Variants in CERT1 observed in about 807,000 individuals in gnomAD.
The protein encoded by CERT1 is ceramide transporter 1.
CERT1 carries 31 observed loss-of-function variants against 87.9 expected under a neutral mutation model. That is an observed-to-expected ratio of 0.35 (90% CI 0.27 to 0.48). The LOEUF (loss-of-function observed/expected upper bound fraction) is 0.48. Among genes scored for constraint, CERT1 ranks in the 20% least tolerant of loss-of-function variants. The probability of loss-of-function intolerance (pLI) is 0.99; values close to 1 mark genes in which losing one functional copy is unlikely to be tolerated. For missense variants in CERT1, 487 were observed against 758.0 expected (o/e 0.64, Z 4.20); for synonymous variants, 289 against 250.9 (o/e 1.15, Z -1.44).
chr5:75,485,922 G>C (rs1276809960), intron 2 of CERT1, among the ~76,000 whole-genome samples: 1 of 151,994 alleles, frequency 6.6e-6, no homozygotes, highest in Admixed American at 6.6e-5. Context: ...GAACGTTACT[G>C]AACACCGAAG....
At chr5:75,434,629 C>CCG (rs1764013337) in intron 3 of CERT1, among the ~76,000 whole-genome samples, 1 of 149,972 alleles carries the variant, frequency 6.7e-6, no homozygotes, top group Non-Finnish European at 1.5e-5. Context: ...ACGGCTTTTT[C>CCG]TGATTGGTAG....
chr5:75,443,473 T>G (rs778126049), intron 3 of CERT1, among the ~76,000 whole-genome samples: 1 of 152,232 alleles, frequency 6.6e-6, no homozygotes. Context: ...TCCATGATTC[T>G]GTAAATTTTC....
chr5:75,511,282 G>C lies in CERT1; in HGVS notation c.-75C>G. ...CCGGAGGAGGCGCCCAGTCCTCGGG[G>C]TGAAGGGTCGGGGGATGGCGAAGCG... On this transcript the variant is annotated 5_prime_UTR_variant, in exon 1 of 17. Coordinates refer to ENST00000643780, the MANE Select transcript of CERT1 (RefSeq NM_001379029.1). The C allele has an allele frequency of 6.3e-7, 1 of 1,578,656 alleles. No homozygotes were observed. The highest frequency in any genetic ancestry group is 8.6e-7 in the Non-Finnish European group (1 of 1,162,318).
downstream of CERT1, chr5:75,375,205 T>C (rs1344725408): frequency 1.3e-5 from 2 of 153,350 alleles, no homozygotes; most frequent in African/African-American, 2.4e-5. Context: ...TTACCAAGAA[T>C]TTAAAAAATG....
chr5:75,421,021 C>G (rs1371315900), intron 5 of CERT1, among the ~76,000 whole-genome samples: 1 of 151,994 alleles, frequency 6.6e-6, no homozygotes, highest in Non-Finnish European at 1.5e-5. Flanking sequence ...GTTGCCCAGG[C>G]CGGTTTCAAA....
intron 10 of CERT1, 40 bp from the exon 11 acceptor site, chr5:75,399,427 C>G: frequency 1.4e-6 from 2 of 1,462,026 alleles, no homozygotes; most frequent in Non-Finnish European, 9.6e-7. Flanking sequence ...GTAATCAGAA[C>G]AAAGGCACAA....
At chr5:75,504,778 G>T (rs866380897) in intron 2 of CERT1, among the ~76,000 whole-genome samples, 1 of 148,178 alleles carries the variant, frequency 6.7e-6, no homozygotes, top group African/African-American at 2.5e-5. Context: ...TTGGCCCATG[G>T]CATGCTGACC....
chr5:75,428,186 T>C (rs989950019), intron 3 of CERT1, among the ~76,000 whole-genome samples: 1 of 152,180 alleles, frequency 6.6e-6, no homozygotes, highest in South Asian at 2.1e-4. Flanking sequence ...AAAAGTTTTA[T>C]GTTTATTTTT....
intron 2 of CERT1, among the ~76,000 whole-genome samples, chr5:75,474,605 C>G (rs1226136563): frequency 6.6e-6 from 1 of 152,004 alleles, no homozygotes; most frequent in East Asian, 1.9e-4. Context: ...GGATGATAGT[C>G]TCATGTAGTC....
chr5:75,456,681 A>C (rs920391527), intron 3 of CERT1, among the ~76,000 whole-genome samples: 1 of 151,472 alleles, frequency 6.6e-6, no homozygotes, highest in African/African-American at 2.4e-5. Context: ...AAAAAAAAAA[A>C]AAAAAGAAAG....
At chr5:75,511,804 G>C (rs1369670653), upstream of CERT1, 7 of 1,551,532 alleles carry the variant, frequency 4.5e-6, no homozygotes, top group Non-Finnish European at 6.1e-6. Flanking sequence ...AGGAGGAGCG[G>C]AGAAAGGAGA....
At chr5:75,440,059 G>A (rs1163848411) in intron 3 of CERT1, among the ~76,000 whole-genome samples, 1 of 151,930 alleles carries the variant, frequency 6.6e-6, no homozygotes, top group Non-Finnish European at 1.5e-5. Flanking sequence ...AAAACGATAT[G>A]GTTAGTCCAG....
At chr5:75,497,731 T>C (rs990092223) in intron 2 of CERT1, among the ~76,000 whole-genome samples, 1 of 152,114 alleles carries the variant, frequency 6.6e-6, no homozygotes, top group Non-Finnish European at 1.5e-5. Flanking sequence ...TAAAACTCTT[T>C]TCTTTATAAA....
At chr5:75,451,864 G>C (rs553680595) in intron 3 of CERT1, among the ~76,000 whole-genome samples, 1 of 152,260 alleles carries the variant, frequency 6.6e-6, no homozygotes, top group East Asian at 1.9e-4. Context: ...AACTGACTCT[G>C]ACAGAGCATG....
intron 2 of CERT1, among the ~76,000 whole-genome samples, chr5:75,466,728 C>T (rs961455165): frequency 1.3e-5 from 2 of 152,172 alleles, no homozygotes; most frequent in Non-Finnish European, 2.9e-5. Context: ...TTCTGAGTCC[C>T]ACCTCTGCAG....
intron 3 of CERT1, among the ~76,000 whole-genome samples, chr5:75,440,803 T>C (rs1764290999): frequency 6.6e-6 from 1 of 152,112 alleles, no homozygotes; most frequent in African/African-American, 2.4e-5. Context: ...TATAACATGG[T>C]ACCATAGAAG....
downstream of CERT1, chr5:75,375,869 C>T (rs571431187): frequency 6.7e-5 from 10 of 149,814 alleles, no homozygotes; most frequent in South Asian, 6.3e-4. Flanking sequence ...AAAAAAGTTA[C>T]GTTACAGTAA....
intron 3 of CERT1, among the ~76,000 whole-genome samples, chr5:75,457,316 A>G (rs1304738257): frequency 6.6e-6 from 1 of 152,168 alleles, no homozygotes; most frequent in Non-Finnish European, 1.5e-5. Context: ...ATGTCTTACT[A>G]CTACTTTGAG....
chr5:75,444,850 G>A (rs953783257), intron 3 of CERT1, among the ~76,000 whole-genome samples: 1 of 151,892 alleles, frequency 6.6e-6, no homozygotes, highest in African/African-American at 2.4e-5. Context: ...CAGCCTAGTT[G>A]ATTTTTCATA....
Sources: allele counts gnomAD v4.1 joint callset (sites outside exome capture counted in the v4.1 genomes callset), GRCh38; gene constraint gnomAD v4.1.1; transcripts MANE v1.5; gene names NCBI Gene and HGNC (gene_info 2026-07-23, HGNC 2026-07-21).